The following ABL2 variants were observed in gnomAD, a reference collection of about 807,000 sequenced individuals.
ABL2 encodes the protein tyrosine-protein kinase ABL2.
ABL2 carries 49 observed loss-of-function variants against 107.7 expected under a neutral mutation model. That is an observed-to-expected ratio of 0.45 (90% CI 0.36 to 0.58). ABL2 has a LOEUF of 0.58. Among genes scored for constraint, ABL2 ranks in the 20% least tolerant of loss-of-function variants. The pLI, the probability that ABL2 is intolerant of heterozygous loss-of-function variation, is 0.00. For synonymous variants in ABL2, 549 were observed against 548.6 expected, an observed-to-expected ratio of 1.00 and a Z score of -0.01; for missense variants, 1,245 against 1,457.0, an observed-to-expected ratio of 0.85 and a Z score of 2.37.
rs1653349346 is a variant in ABL2, at chr1:179,104,562, G to T, written c.*3156C>A. 4.8e-6 allele frequency: 1 copy of T among 208,360 alleles called. No individual in the cohort carries two copies. 12.9% of individuals were successfully genotyped at this position (208,360 alleles called of 1,614,324 possible). A position where few individuals can be genotyped will look rare whatever the true frequency, so the allele number is the denominator to read the frequency against. ...AAAAACACTGAATGAATTTCTTAGG[G>T]CCAAATTTTTTAAGGCTAATCTCTG... On this transcript the variant is annotated 3_prime_UTR_variant, in exon 12 of 12. Transcript: ENST00000502732.
intron 3 of ABL2, among the ~76,000 whole-genome samples, chr1:179,127,176 AAAAAAC>A (rs892350239): frequency 6.6e-6 from 1 of 152,170 alleles, no homozygotes; most frequent in Admixed American, 6.5e-5. Context: ...CACTGATGTA[AAAAAAC>A]AAAAACAAAA....
chr1:179,140,839 G>A (rs901338201), intron 1 of ABL2, among the ~76,000 whole-genome samples: 2 of 152,096 alleles, frequency 1.3e-5, no homozygotes, highest in Non-Finnish European at 2.9e-5. Context: ...TTCAAGACCA[G>A]CCTGGGCAAC....
At chr1:179,218,837 T>C (rs1038519631) in intron 1 of ABL2, among the ~76,000 whole-genome samples, 1 of 152,144 alleles carries the variant, frequency 6.6e-6, no homozygotes, top group African/African-American at 2.4e-5. Context: ...ACCCTGGAGG[T>C]GGGACCCAGC....
chr1:179,184,014 T>A, intron 1 of ABL2: 1 of 271,132 alleles, frequency 3.7e-6, no homozygotes, highest in South Asian at 4.8e-5. Context: ...TAGACAGGCT[T>A]AATGAACTAA....
intron 9 of ABL2, among the ~76,000 whole-genome samples, chr1:179,114,450 C>T (rs1015370742): frequency 6.6e-6 from 1 of 152,098 alleles, no homozygotes; most frequent in Non-Finnish European, 1.5e-5. Context: ...AATAAACAAA[C>T]AAACAAAACC....
At position 179,131,381 on chromosome 1, in the gene ABL2, ACT is replaced by A; in HGVS notation, c.319_320del (p.Ser107Ter). 1 of 1,614,116 alleles carries A rather than the reference ACT, an allele frequency of 6.2e-7. No individual in the cohort carries two copies. Among genetic ancestry groups the A allele is most frequent in the East Asian group, 2.2e-5 (1 of 44,888 alleles). ...SKENLLGATE[S>X]DPNLFVALYD... ...AAAGTGCAACGAAGAGATTAGGGTCACTCTCAGTGGCTCCGAGCAAGTTCTCC... is the reference window on the plus strand; with the variant it reads ...AAAGTGCAACGAAGAGATTAGGGTCACTCAGTGGCTCCGAGCAAGTTCTCC... On this transcript the variant is annotated frameshift_variant, in exon 3 of 12. Transcript: ENST00000502732. LOFTEE classifies it high-confidence loss of function.
At position 179,112,304 on chromosome 1, in the gene ABL2, C is replaced by T. The variant is rs769678370; in HGVS notation, c.1651+5G>A. On this transcript the variant is annotated splice_donor_5th_base_variant and intron_variant, in intron 10 of 11. Transcript: ENST00000502732. ...TCACCAACAGTAAATCCAACAGATT[C>T]TCACCTTCAGAAATGCTGGAGTCAT... is the stretch of plus-strand genomic sequence containing the variant. 6.2e-7 allele frequency: 1 copy of T among 1,611,186 alleles called. No individual in the cohort carries two copies. Among genetic ancestry groups the T allele is most frequent in the Admixed American group, 1.7e-5 (1 of 59,994 alleles).
intron 1 of ABL2, among the ~76,000 whole-genome samples, chr1:179,224,134 C>CAAAAAAAAAAAA (rs1181284107): frequency 2.9e-5 from 1 of 34,506 alleles, no homozygotes; most frequent in African/African-American, 1.5e-4. Flanking sequence ...CTACTCACTA[C>CAAAAAAAAAAAA]AAAAAAAAAA....
chr1:179,130,719 A>G (rs1039810442), intron 3 of ABL2, among the ~76,000 whole-genome samples: 16 of 135,864 alleles, frequency 1.2e-4, no homozygotes, highest in Non-Finnish European at 2.3e-4. Flanking sequence ...ATCAATCATT[A>G]TTGATTTTGT....
chr1:179,122,598 A>T (rs1655331426), intron 4 of ABL2, among the ~76,000 whole-genome samples: 2 of 151,708 alleles, frequency 1.3e-5, no homozygotes, highest in South Asian at 2.1e-4. Flanking sequence ...ATATATATAT[A>T]TTTTCAAATA....
intron 1 of ABL2, among the ~76,000 whole-genome samples, chr1:179,214,642 A>G (rs72709486): frequency 0.022 from 3,248 of 151,046 alleles, 64 homozygotes; most frequent in Middle Eastern, 0.049. Flanking sequence ...TGTTTGTTCC[A>G]AGCTCAAATA....
At position 179,099,568 on chromosome 1, in the gene ABL2, T is replaced by A. The variant is rs898443068; in HGVS notation, c.*8150A>T. On this transcript the variant is annotated 3_prime_UTR_variant, in exon 12 of 12. Coordinates refer to ENST00000502732, the MANE Select transcript of ABL2 (RefSeq NM_007314.4). ...ACAACACTGGTAATGTGACACACAA[T>A]TGATGTGTTTTTAGTTAAATCCCAC... 4.4e-6 allele frequency: 1 copy of A among 228,938 alleles called. No individual in the cohort carries two copies. Among genetic ancestry groups the A allele is most frequent in the Non-Finnish European group, 8.7e-6 (1 of 115,482 alleles). 14.2% of individuals were successfully genotyped at this position (228,938 alleles called of 1,614,324 possible).
intron 1 of ABL2, among the ~76,000 whole-genome samples, chr1:179,155,354 T>C (rs1475795912): frequency 6.6e-6 from 1 of 152,248 alleles, no homozygotes; most frequent in African/African-American, 2.4e-5. Context: ...ACTGGAAATG[T>C]CTGCCATTTA....
At chr1:179,140,498 G>A (rs145330096) in intron 1 of ABL2, among the ~76,000 whole-genome samples, 3 of 152,152 alleles carry the variant, frequency 2.0e-5, no homozygotes, top group East Asian at 1.9e-4. Flanking sequence ...TTATATTCAT[G>A]TATCTAAGTC....
At chr1:179,145,600 A>C (rs1489679014) in intron 1 of ABL2, among the ~76,000 whole-genome samples, 1 of 152,222 alleles carries the variant, frequency 6.6e-6, no homozygotes. Context: ...TGAACGTGAC[A>C]AACTAAGGCC....
At chr1:179,163,847 T>C (rs2102758044) in intron 1 of ABL2, among the ~76,000 whole-genome samples, 1 of 152,342 alleles carries the variant, frequency 6.6e-6, no homozygotes, top group Admixed American at 6.5e-5. Context: ...ACATCCATAC[T>C]ATGGAATACC....
intron 1 of ABL2, among the ~76,000 whole-genome samples, chr1:179,154,497 C>T (rs1435439451): frequency 2.0e-5 from 3 of 152,212 alleles, no homozygotes; most frequent in African/African-American, 7.2e-5. Flanking sequence ...TTCCTCCTGC[C>T]TCTTATTAAA....
chr1:179,178,814 T>C (rs1032944011), intron 1 of ABL2, among the ~76,000 whole-genome samples: 15 of 152,056 alleles, frequency 9.9e-5, no homozygotes, highest in Non-Finnish European at 1.9e-4. Flanking sequence ...GGAGAATTGC[T>C]TGAACCCGGG....
intron 1 of ABL2, among the ~76,000 whole-genome samples, chr1:179,213,691 G>A (rs1048115202): frequency 2.0e-5 from 3 of 152,160 alleles, no homozygotes; most frequent in African/African-American, 7.2e-5. Flanking sequence ...AATATAGGGA[G>A]GAAATGGATG....
Sources: allele counts gnomAD v4.1 joint callset (sites outside exome capture counted in the v4.1 genomes callset), GRCh38; gene constraint gnomAD v4.1.1; transcripts MANE v1.5; gene names NCBI Gene and HGNC (gene_info 2026-07-23, HGNC 2026-07-21).